The following EQTN variants were observed in gnomAD, a reference collection of about 807,000 sequenced individuals.
EQTN encodes the protein equatorin, also known as Acrosome formation associated factor.
EQTN carries 29 observed loss-of-function variants against 26.9 expected under a neutral mutation model. The ratio of observed to expected loss-of-function variants is 1.08; its 90% CI spans 0.80 to 1.47. EQTN has a LOEUF of 1.47. EQTN is among the 40% of genes most tolerant of loss of function. EQTN has a pLI of 0.00. For synonymous variants in EQTN, 129 were observed against 120.0 expected, an observed-to-expected ratio of 1.07 and a Z score of -0.49; for missense variants, 391 against 346.1, an observed-to-expected ratio of 1.13 and a Z score of -1.03.
intron 6 of EQTN, 67 bp downstream of exon 6, chr9:27,289,605 C>T: frequency 7.3e-7 from 1 of 1,369,534 alleles, no homozygotes; most frequent in Non-Finnish European, 1.0e-6. Context: ...CTGCCTCAGC[C>T]TCCCAAAGTG....
At chr9:27,290,409 T>A (rs1322914466) in intron 5 of EQTN, among the ~76,000 whole-genome samples, 3 of 152,148 alleles carry the variant, frequency 2.0e-5, no homozygotes, top group African/African-American at 7.2e-5. Flanking sequence ...ACTACTGATT[T>A]TGGGGTGACA....
chr9:27,287,647 A>G (rs55762975), intron 6 of EQTN, among the ~76,000 whole-genome samples: 14,877 of 152,280 alleles, frequency 0.098, 956 homozygotes, highest in Admixed American at 0.16. Flanking sequence ...CCTAACACGT[A>G]GTATGTGCTC....
At chr9:27,285,434 G>A (rs1172634973) in intron 7 of EQTN, among the ~76,000 whole-genome samples, 3 of 152,032 alleles carry the variant, frequency 2.0e-5, no homozygotes. Context: ...GAGCCACCAC[G>A]CCCGGCCTAG....
rs142370926 is a variant in EQTN, at chr9:27,285,212, C to T, written c.636-240G>A. On this transcript the variant is annotated intron_variant, in intron 7 of 7. Transcript: ENST00000380032. ...AGGCTGGAGTGCAGTGGCGCAATCT[C>T]GGCTCACTGCAACCTCCGCCTCCCA... Among the ~76,000 whole-genome samples the T allele has an allele frequency of 7.3e-3, 940 of 129,466 alleles. 11 individuals carry two copies. Among genetic ancestry groups the T allele is most frequent in the African/African-American group, 0.027 (910 of 33,838 alleles). 84.9% of individuals were successfully genotyped at this position (129,466 alleles called of 152,430 possible). A position where few individuals can be genotyped will look rare whatever the true frequency, so the allele number is the denominator to read the frequency against.
intron 4 of EQTN, among the ~76,000 whole-genome samples, chr9:27,291,518 A>G (rs1820234456): frequency 6.6e-6 from 1 of 152,176 alleles, no homozygotes; most frequent in African/African-American, 2.4e-5. Flanking sequence ...AGCTTCAGGT[A>G]AGTCTTGAGT....
intron 2 of EQTN, among the ~76,000 whole-genome samples, chr9:27,296,389 C>T (rs1366695932): frequency 1.3e-5 from 2 of 151,778 alleles, no homozygotes; most frequent in South Asian, 2.1e-4. Flanking sequence ...TTACTTTTAC[C>T]GTAAAAAGGA....
At chr9:27,296,238 A>G (rs1820340515) in intron 2 of EQTN, among the ~76,000 whole-genome samples, 1 of 151,934 alleles carries the variant, frequency 6.6e-6, no homozygotes, top group South Asian at 2.1e-4. Flanking sequence ...TGGGAGGTCA[A>G]GGCTGGCTGC....
chr9:27,284,679 A>G lies in EQTN; in HGVS notation c.*44T>C. ...TTTTGATGACAAAATAATTAAAGTT[A>G]TTTATTCATCAATAAGATTTCTTCA... On this transcript the variant is annotated 3_prime_UTR_variant, in exon 8 of 8. Coordinates refer to ENST00000380032, the MANE Select transcript of EQTN (RefSeq NM_020641.3). 6.3e-7 allele frequency: 1 copy of G among 1,577,176 alleles called. No individual in the cohort carries two copies.
intron 6 of EQTN, among the ~76,000 whole-genome samples, chr9:27,287,077 G>A (rs1307544909): frequency 6.6e-6 from 1 of 152,032 alleles, no homozygotes; most frequent in Non-Finnish European, 1.5e-5. Context: ...ACATTTTCCT[G>A]AATATATATC....
Position 27,286,336 on chromosome 9 carries a change from C to T in EQTN, c.508G>A (p.Glu170Lys), listed in dbSNP as rs960033523. The change falls in exon 7 of 8, where the codon GAA becomes AAA. Residue 170 changes from glutamate (E) to lysine (K), a missense_variant. Transcript: ENST00000380032. ...AGATCCTCTAGATCTGGCTGATTTT[C>T]TCCCTGTGTAGCATTCACATCAGAC... ...PESDVNATQG[E>K]NQPDLEDLKI... 6.2e-7 allele frequency: 1 copy of T among 1,600,612 alleles called. No individual in the cohort carries two copies. The highest frequency in any genetic ancestry group is 1.3e-5 in the African/African-American group (1 of 74,776).
At position 27,286,212 on chromosome 9, in the gene EQTN, A is replaced by T. The variant is rs1256223104; in HGVS notation, c.632T>A (p.Leu211Gln). The change falls in exon 7 of 8, where the codon CTG becomes CAG. Residue 211 changes from leucine to glutamine, a missense_variant. Leu to Gln is a moderately radical substitution (Grantham distance 113, BLOSUM62 -2). Transcript: ENST00000380032. ...CTGCAGAGGTCTGCAGACTTACCTC[A>T]GATGCCTCAGTTTGTACAGTGTAGC... Reference protein sequence around the residue: ...CSATLYKLRHLSYKSCESQYS... With the variant: ...CSATLYKLRHQSYKSCESQYS... 13 of 1,613,790 alleles carry T rather than the reference A, an allele frequency of 8.1e-6. No homozygotes were observed. The highest frequency in any genetic ancestry group is 8.5e-6 in the Non-Finnish European group (10 of 1,179,800).
intron 4 of EQTN, 83 bp downstream of exon 4, chr9:27,292,318 A>G: frequency 3.8e-6 from 3 of 789,408 alleles, no homozygotes; most frequent in Non-Finnish European, 6.0e-6. Flanking sequence ...GGCTTTATGT[A>G]ATGCTCAGAG....
chr9:27,294,245 G>C, intron 3 of EQTN, 71 bp downstream of exon 3: 1 of 1,016,378 alleles, frequency 9.8e-7, no homozygotes, highest in Non-Finnish European at 1.5e-6. Flanking sequence ...CTCCCCAACA[G>C]TCTCTTATTG....
intron 5 of EQTN, 22 bp downstream of exon 5, chr9:27,290,997 C>T: frequency 1.9e-6 from 3 of 1,605,926 alleles, no homozygotes; most frequent in Non-Finnish European, 2.5e-6. Context: ...GTTTCCCAAG[C>T]TACCTAGCTG....
chr9:27,295,569 C>T (rs932828405), intron 2 of EQTN, among the ~76,000 whole-genome samples: 3 of 150,928 alleles, frequency 2.0e-5, no homozygotes, highest in Non-Finnish European at 4.4e-5. Context: ...TGCAGTGGCT[C>T]ACGCCTGTAA....
intron 2 of EQTN, among the ~76,000 whole-genome samples, chr9:27,296,074 G>A (rs897415373): frequency 6.6e-6 from 1 of 152,132 alleles, no homozygotes; most frequent in Non-Finnish European, 1.5e-5. Context: ...GGTGAGATGG[G>A]TGAATCGCTT....
intron 7 of EQTN, 106 bp downstream of exon 7, chr9:27,286,103 G>T: frequency 9.1e-7 from 1 of 1,104,750 alleles, no homozygotes; most frequent in Non-Finnish European, 1.3e-6. Context: ...AATGTCGTAT[G>T]GATGAATTCA....
chr9:27,292,309 G>T, intron 4 of EQTN, 92 bp downstream of exon 4: 3 of 717,980 alleles, frequency 4.2e-6, no homozygotes, highest in Non-Finnish European at 6.8e-6. Context: ...GCATGCTATG[G>T]CTTTATGTAA....
chr9:27,295,201 G>A (rs1401650345), intron 2 of EQTN, among the ~76,000 whole-genome samples: 1 of 152,080 alleles, frequency 6.6e-6, no homozygotes, highest in Admixed American at 6.5e-5. Context: ...AATTATGGAC[G>A]ACACACATAA....
Sources: allele counts gnomAD v4.1 joint callset (sites outside exome capture counted in the v4.1 genomes callset), GRCh38; gene constraint gnomAD v4.1.1; transcripts MANE v1.5; gene names NCBI Gene and HGNC (gene_info 2026-07-23, HGNC 2026-07-21).